The following SEC31A variants were observed in gnomAD, a reference collection of about 807,000 sequenced individuals.
The protein encoded by SEC31A is SEC31 homolog A, COPII component.
A neutral mutation model predicts 151.0 loss-of-function variants in SEC31A; 70 were observed. The observed-to-expected ratio is 0.46, with a 90% CI of 0.38 to 0.57. The LOEUF (loss-of-function observed/expected upper bound fraction) is 0.57, where lower values mean the gene tolerates loss of function less well. Ranked by LOEUF, SEC31A falls within the 20% of genes least tolerant of loss-of-function variation. SEC31A has a pLI of 0.00. For missense variants in SEC31A, 1,330 were observed against 1,471.2 expected, an observed-to-expected ratio of 0.90 and a Z score of 1.57; for synonymous variants, 475 against 505.9, an observed-to-expected ratio of 0.94 and a Z score of 0.82.
intron 22 of SEC31A, 33 bp downstream of exon 22, chr4:82,842,107 G>A: frequency 6.7e-7 from 1 of 1,495,362 alleles, no homozygotes; most frequent in South Asian, 1.4e-5. Flanking sequence ...AAATAAAGGA[G>A]GGGGCCAAAC....
intron 3 of SEC31A, chr4:82,898,071 A>G (rs1351602636): frequency 6.6e-6 from 1 of 152,256 alleles, no homozygotes; most frequent in Non-Finnish European, 1.5e-5. Context: ...TCCTGAAAAG[A>G]GATATTTTCT....
chr4:82,836,163 A>T (rs1225787910), intron 22 of SEC31A, among the ~76,000 whole-genome samples: 2 of 152,100 alleles, frequency 1.3e-5, no homozygotes. Context: ...TCACAAGGTC[A>T]GGAGTTCGAG....
At chr4:82,855,935 T>C (rs1400591415) in intron 16 of SEC31A, among the ~76,000 whole-genome samples, 2 of 152,178 alleles carry the variant, frequency 1.3e-5, no homozygotes, top group African/African-American at 4.8e-5. Context: ...CACATGTACC[T>C]CTGAACTTAA....
At chr4:82,841,928 C>T (rs1481072433) in intron 22 of SEC31A, among the ~76,000 whole-genome samples, 4 of 151,530 alleles carry the variant, frequency 2.6e-5, no homozygotes, top group African/African-American at 4.9e-5. Flanking sequence ...GCCGAGAGTG[C>T]ACCACTGTAC....
At chr4:82,896,735 A>G (rs1046762653) in intron 3 of SEC31A, among the ~76,000 whole-genome samples, 8 of 152,160 alleles carry the variant, frequency 5.3e-5, no homozygotes, top group Non-Finnish European at 1.0e-4. Context: ...ACTAACTTGG[A>G]AAGTTGAACT....
chr4:82,853,456 G>T, intron 18 of SEC31A, 114 bp downstream of exon 18: 1 of 885,322 alleles, frequency 1.1e-6, no homozygotes, highest in Non-Finnish European at 1.6e-6. Context: ...TAATTATCCA[G>T]CAAAAGAAGT....
chr4:82,891,346 T>C, upstream of SEC31A: 1 of 670,196 alleles, frequency 1.5e-6, no homozygotes. Flanking sequence ...CGCTGGTTGG[T>C]GGCGCTCTGC....
At chr4:82,891,730 A>C (rs200259326), upstream of SEC31A, among the ~76,000 whole-genome samples, 2 of 2,576 alleles carry the variant, frequency 7.8e-4, no homozygotes, top group Non-Finnish European at 0.026. Flanking sequence ...GTGTTATATT[A>C]ATTCCAATTA....
At position 82,888,366 on chromosome 4, in the gene SEC31A, AAAAAAAAC is replaced by A. The variant is rs1578412551; in HGVS notation, c.-5+2714_-5+2721del. Among the ~76,000 whole-genome samples the A allele has an allele frequency of 1.7e-4, 7 of 41,814 alleles. 1 individual carries two copies. The highest frequency in any genetic ancestry group is 3.4e-4 in the Non-Finnish European group (6 of 17,532). 27.4% of individuals were successfully genotyped at this position (41,814 alleles called of 152,430 possible). On this transcript the variant is annotated intron_variant, in intron 1 of 26. Coordinates refer to ENST00000395310, the MANE Select transcript of SEC31A (RefSeq NM_001077207.4). Reference sequence around the variant, plus strand: ...ACTCCGTCTCAAAAAAAAAAAAAAAAAAAAAAACACACAAAAAACATATATATATATAC... The same window carrying A: ...ACTCCGTCTCAAAAAAAAAAAAAAAAACACAAAAAACATATATATATATAC...
chr4:82,832,160 C>T (rs566929673), intron 22 of SEC31A, among the ~76,000 whole-genome samples: 1 of 152,322 alleles, frequency 6.6e-6, no homozygotes, highest in South Asian at 2.1e-4. Context: ...TCAAACATTA[C>T]TACAAGGCTA....
At chr4:82,822,702 G>A (rs1723626588) in intron 25 of SEC31A, among the ~76,000 whole-genome samples, 1 of 152,150 alleles carries the variant, frequency 6.6e-6, no homozygotes, top group South Asian at 2.1e-4. Flanking sequence ...GGCCAGGTGC[G>A]GTGGCTCATG....
upstream of SEC31A, among the ~76,000 whole-genome samples, chr4:82,892,623 A>C (rs1002812163): frequency 1.3e-5 from 2 of 152,256 alleles, no homozygotes; most frequent in Non-Finnish European, 2.9e-5. Context: ...AGTACTATGC[A>C]CTTTGTGCTC....
intron 22 of SEC31A, among the ~76,000 whole-genome samples, chr4:82,835,306 C>T (rs1191322770): frequency 1.3e-5 from 2 of 152,042 alleles, no homozygotes; most frequent in Non-Finnish European, 2.9e-5. Context: ...TACTCTTGGT[C>T]AACGCTTAAA....
At position 82,857,070 on chromosome 4, in the gene SEC31A, A is replaced by G. The variant is rs1331012819; in HGVS notation, c.1763T>C (p.Leu588Pro). ...GGCCATGCGGTTATCATGTAAACAA[A>G]GGTCAACAGCACTCTCAAAATTGCC... is the stretch of plus-strand genomic sequence containing the variant. Reference protein sequence around the residue: ...LTGNFESAVDLCLHDNRMADA... With the variant: ...LTGNFESAVDPCLHDNRMADA... Residue 588 changes from leucine to proline, a missense_variant, in exon 16 of 27, where the codon CTT (leucine) becomes CCT (proline). Leu to Pro is a moderately conservative substitution (Grantham distance 98). Transcript: ENST00000395310. 2 of 1,614,090 alleles carry G rather than the reference A, an allele frequency of 1.2e-6. No homozygotes were observed. The highest frequency in any genetic ancestry group is 3.3e-5 in the Admixed American group (2 of 59,978).
At chr4:82,870,495 G>T in intron 7 of SEC31A, 71 bp from the exon 8 acceptor site, 1 of 1,235,528 alleles carries the variant, frequency 8.1e-7, no homozygotes, top group Non-Finnish European at 1.2e-6. Flanking sequence ...TTTCTGCCTA[G>T]GTTTTGTAGA....
rs1164439635 is a variant in SEC31A, at chr4:82,870,267, T to C, written c.882+58A>G. On this transcript the variant is annotated intron_variant, in intron 8 of 26. Coordinates refer to ENST00000395310, the MANE Select transcript of SEC31A (RefSeq NM_001077207.4). ...GAATCCACACAGAAAATTTCTTATG[T>C]AGCCAGAAGTAACATACTATAAGGG... The C allele has an allele frequency of 7.5e-6, 10 of 1,328,772 alleles. No individual in the cohort carries two copies. The East Asian group carries it at 2.3e-4, about 31-fold the overall frequency. The allele number at this position is 1,328,772 out of a possible 1,614,324, so 82.3% of individuals were successfully genotyped here. A position where few individuals can be genotyped will look rare whatever the true frequency, so the allele number is the denominator to read the frequency against.
chr4:82,847,499 C>A (rs1279006444), intron 20 of SEC31A, among the ~76,000 whole-genome samples: 2 of 152,174 alleles, frequency 1.3e-5, no homozygotes, highest in African/African-American at 4.8e-5. Context: ...CAAATATTCT[C>A]TTTTCCTAAT....
intron 8 of SEC31A, among the ~76,000 whole-genome samples, chr4:82,867,712 A>C (rs1735712338): frequency 6.6e-6 from 1 of 152,030 alleles, no homozygotes; most frequent in Admixed American, 6.6e-5. Flanking sequence ...AGCTCACTGC[A>C]ACCTCCACCT....
At chr4:82,871,323 C>G in intron 7 of SEC31A, 2 of 1,499,732 alleles carry the variant, frequency 1.3e-6, no homozygotes, top group Non-Finnish European at 8.9e-7. Context: ...CACACACACA[C>G]ACACACACAC....
Sources: gnomAD v4.1 joint callset for allele counts (sites outside exome capture counted in the v4.1 genomes callset) on GRCh38, gnomAD v4.1.1 for gene constraint, MANE v1.5 for transcripts, NCBI Gene and HGNC (gene_info 2026-07-23, HGNC 2026-07-21) for gene names.